SLC39A11: variants seen among roughly 807,000 people sequenced by gnomAD.
The protein encoded by SLC39A11 is zinc transporter ZIP11.
A neutral mutation model predicts 36.1 loss-of-function variants in SLC39A11; 33 were observed. That is an observed-to-expected ratio of 0.91 (90% CI 0.69 to 1.22). SLC39A11 has a LOEUF of 1.22. Ranked by LOEUF, SLC39A11 falls within the 50% of genes most tolerant of loss-of-function variation. The probability of loss-of-function intolerance (pLI) is 0.00; values close to 1 mark genes in which losing one functional copy is unlikely to be tolerated. For synonymous variants in SLC39A11, 166 were observed against 170.3 expected (o/e 0.97, Z 0.20); for missense variants, 432 against 430.3 (o/e 1.00, Z -0.03).
At chr17:72,785,925 C>T (rs887713946) in intron 6 of SLC39A11, among the ~76,000 whole-genome samples, 3 of 149,216 alleles carry the variant, frequency 2.0e-5, no homozygotes, top group Admixed American at 6.6e-5. Context: ...TAGAAATGAT[C>T]GTTTATGCTT....
intron 6 of SLC39A11, among the ~76,000 whole-genome samples, chr17:72,757,046 A>G (rs550842011): frequency 6.6e-6 from 1 of 151,720 alleles, no homozygotes; most frequent in East Asian, 1.9e-4. Context: ...GGTGCCTGTA[A>G]TCCCAGCTAC....
intron 4 of SLC39A11, among the ~76,000 whole-genome samples, chr17:72,996,864 A>G (rs1281943732): frequency 6.6e-6 from 1 of 152,144 alleles, no homozygotes; most frequent in Non-Finnish European, 1.5e-5. Context: ...GGAAGTATCC[A>G]TGGGTCGGTT....
chr17:72,837,924 C>CT, intron 6 of SLC39A11: 1 of 1,227,036 alleles, frequency 8.1e-7, no homozygotes. Context: ...CATGCAGTTT[C>CT]TTTTTTTCCT....
rs187072910 is a variant in SLC39A11 at position 72,948,622 on chromosome 17, T to C, written c.307-747A>G. ...AGGAAGCAGTGCGAGTTGCAGAGAATGCACACATATTTAGAGTTAACTCCA... is the reference window on the plus strand; with the variant it reads ...AGGAAGCAGTGCGAGTTGCAGAGAACGCACACATATTTAGAGTTAACTCCA... On this transcript the variant is annotated intron_variant, in intron 4 of 9. Transcript: ENST00000255559. Among the ~76,000 whole-genome samples, 6 of 152,336 alleles carry C rather than the reference T, an allele frequency of 3.9e-5. No individual in the cohort carries two copies. In the South Asian group the frequency reaches 6.2e-4, roughly 16 times the overall value.
At chr17:73,021,363 A>C (rs2058347361) in intron 4 of SLC39A11, among the ~76,000 whole-genome samples, 1 of 151,406 alleles carries the variant, frequency 6.6e-6, no homozygotes, top group African/African-American at 2.4e-5. Flanking sequence ...TTTTTAAGAC[A>C]TAGTCTTGCT....
At chr17:73,015,300 T>C (rs1394890323) in intron 4 of SLC39A11, among the ~76,000 whole-genome samples, 1 of 152,210 alleles carries the variant, frequency 6.6e-6, no homozygotes, top group Admixed American at 6.5e-5. Flanking sequence ...ATTCATGTCA[T>C]AGTTAGTCCC....
chr17:72,915,333 T>C (rs989057545), intron 5 of SLC39A11, among the ~76,000 whole-genome samples: 3 of 152,120 alleles, frequency 2.0e-5, no homozygotes, highest in Non-Finnish European at 2.9e-5. Context: ...CCCACCAGAA[T>C]TGTTCAAACT....
intron 6 of SLC39A11, among the ~76,000 whole-genome samples, chr17:72,796,701 A>G (rs1261231431): frequency 6.6e-6 from 1 of 152,198 alleles, no homozygotes; most frequent in Non-Finnish European, 1.5e-5. Context: ...ATCCAGCAGC[A>G]TCACCACCTC....
At chr17:72,904,576 A>T (rs1257897206) in intron 5 of SLC39A11, among the ~76,000 whole-genome samples, 1 of 152,180 alleles carries the variant, frequency 6.6e-6, no homozygotes. Flanking sequence ...CGCAGCAACA[A>T]GGAAGGTCCC....
chr17:72,727,668 AAAAAG>A, intron 7 of SLC39A11, among the ~76,000 whole-genome samples: 1 of 147,002 alleles, frequency 6.8e-6, no homozygotes, highest in African/African-American at 2.5e-5. Context: ...AAAAAAAAAA[AAAAAG>A]AAAGAAGCAA....
intron 4 of SLC39A11, among the ~76,000 whole-genome samples, chr17:73,028,034 A>T (rs61264876): frequency 0.11 from 16,177 of 152,194 alleles, 1,356 homozygotes; most frequent in African/African-American, 0.23. Context: ...AAAGGGTGAG[A>T]GCCCCTTGGT....
chr17:72,781,703 G>A (rs923736225), intron 6 of SLC39A11, among the ~76,000 whole-genome samples: 1 of 152,148 alleles, frequency 6.6e-6, no homozygotes, highest in African/African-American at 2.4e-5. Context: ...ACAGGCGTGA[G>A]CCACTGTACC....
At chr17:72,919,149 T>C (rs2083496362) in intron 5 of SLC39A11, among the ~76,000 whole-genome samples, 1 of 152,160 alleles carries the variant, frequency 6.6e-6, no homozygotes, top group African/African-American at 2.4e-5. Context: ...CCTCTCCACG[T>C]GATTCATTCT....
chr17:72,993,221 A>G (rs2089295128), intron 4 of SLC39A11, among the ~76,000 whole-genome samples: 1 of 152,240 alleles, frequency 6.6e-6, no homozygotes, highest in Admixed American at 6.5e-5. Context: ...AAGGGTAGGA[A>G]AAAATCTTAA....
At chr17:72,776,877 C>T (rs2076155377) in intron 6 of SLC39A11, among the ~76,000 whole-genome samples, 1 of 152,322 alleles carries the variant, frequency 6.6e-6, no homozygotes, top group Non-Finnish European at 1.5e-5. Flanking sequence ...CTCACCAAGT[C>T]CCCTCCTGCC....
At chr17:72,740,274 C>A (rs1432703799) in intron 6 of SLC39A11, among the ~76,000 whole-genome samples, 3 of 151,854 alleles carry the variant, frequency 2.0e-5, no homozygotes, top group Admixed American at 2.0e-4. Flanking sequence ...ACCGTGTTAG[C>A]CAGGATGGTC....
intron 7 of SLC39A11, among the ~76,000 whole-genome samples, chr17:72,701,492 G>A (rs1036230711): frequency 1.3e-5 from 2 of 152,142 alleles, no homozygotes; most frequent in African/African-American, 4.8e-5. Flanking sequence ...ACTTTGGGAG[G>A]CCGAAGTGGG....
At chr17:73,043,631 G>T (rs2059179153) in intron 3 of SLC39A11, among the ~76,000 whole-genome samples, 1 of 152,130 alleles carries the variant, frequency 6.6e-6, no homozygotes, top group Admixed American at 6.6e-5. Flanking sequence ...ATTTAAGTGG[G>T]GAGATGGGAC....
chr17:73,010,614 CCACCTCACCCTTTACT>C (rs955963190), intron 4 of SLC39A11, among the ~76,000 whole-genome samples: 9 of 152,174 alleles, frequency 5.9e-5, no homozygotes, highest in Admixed American at 5.2e-4. Context: ...TCCCTGCTCT[CCACCTCACCCTTTACT>C]CAAAGGTCGC....
Sources: gnomAD v4.1 joint callset for allele counts (sites outside exome capture counted in the v4.1 genomes callset) on GRCh38, gnomAD v4.1.1 for gene constraint, MANE v1.5 for transcripts, NCBI Gene and HGNC (gene_info 2026-07-23, HGNC 2026-07-21) for gene names.